Variants in ZSCAN9 observed in about 807,000 individuals in gnomAD.
The protein encoded by ZSCAN9 is zinc finger and SCAN domain containing 9.
In ZSCAN9, 19 loss-of-function variants were observed where a neutral mutation model predicts 23.0. That is an observed-to-expected ratio of 0.83 (90% confidence interval 0.58 to 1.21). ZSCAN9 has a LOEUF of 1.21. ZSCAN9 is among the 50% of genes most tolerant of loss of function. ZSCAN9 has a pLI of 0.00. For synonymous variants in ZSCAN9, 155 were observed against 164.8 expected, an observed-to-expected ratio of 0.94 and a Z score of 0.46; for missense variants, 467 against 471.5, an observed-to-expected ratio of 0.99 and a Z score of 0.09.
chr6:28,226,088 T>TG (rs1186938356), intron 1 of ZSCAN9, among the ~76,000 whole-genome samples: 1 of 152,128 alleles, frequency 6.6e-6, no homozygotes, highest in African/African-American at 2.4e-5. Context: ...AAGTTGACCT[T>TG]GGGCAATCTA....
rs537421926 is a variant in ZSCAN9, at chr6:28,230,368, C to G, written c.569-2194C>G. 13 of 1,536,050 alleles carry G rather than the reference C, an allele frequency of 8.5e-6. No homozygotes were observed. The South Asian group carries it at 1.5e-4, about 18-fold the overall frequency. On this transcript the variant is annotated intron_variant, in intron 3 of 3. Coordinates refer to ENST00000252207, the MANE Select transcript of ZSCAN9 (RefSeq NM_006299.5). ...ACGAAGTTTGAGGAGAAGGGCAGTA[C>G]TGATCCCACTTGGGGCCCATCTGTT...
At position 28,227,344 on chromosome 6, in the gene ZSCAN9, C is replaced by T. The variant is rs1475896510; in HGVS notation, c.260C>T (p.Thr87Ile). The T allele has an allele frequency of 1.2e-6, 2 of 1,614,104 alleles. No homozygotes were observed. Among genetic ancestry groups the T allele is most frequent in the African/African-American group, 1.3e-5 (1 of 74,940 alleles). ...CYQWLRPHVS[T>I]KEQILDLLVL... ...CAGTGGTTGAGGCCACATGTGAGCA[C>T]AAAGGAGCAGATTTTGGATCTGCTG... is the stretch of plus-strand genomic sequence containing the variant. The change falls in exon 2 of 4, where the codon ACA (threonine) becomes ATA (isoleucine). Residue 87 changes from threonine (T) to isoleucine (I), a missense_variant. Thr to Ile is a moderately conservative substitution (Grantham distance 89). Transcript: ENST00000252207.
At chr6:28,231,762 G>A (rs1760308563) in intron 3 of ZSCAN9, among the ~76,000 whole-genome samples, 1 of 151,976 alleles carries the variant, frequency 6.6e-6, no homozygotes, top group Admixed American at 6.6e-5. Context: ...TTTGCCTCTG[G>A]AATCTTCCAT....
chr6:28,225,490 CCGGG>C (rs2113644956), intron 1 of ZSCAN9, 124 bp downstream of exon 1: 1 of 152,784 alleles, frequency 6.5e-6, no homozygotes, highest in Non-Finnish European at 1.5e-5. Flanking sequence ...GCGGTCAGTG[CCGGG>C]CGGCTTCGGG....
Position 28,227,246 on chromosome 6 carries a change from C to CT in ZSCAN9, c.165dup (p.Arg56SerfsTer81), listed in dbSNP as rs1479724288. 1.9e-6 allele frequency: 3 copies of CT among 1,614,122 alleles called. No homozygotes were observed. Among genetic ancestry groups the CT allele is most frequent in the Non-Finnish European group, 2.5e-6 (3 of 1,180,048 alleles). On this transcript the variant is annotated frameshift_variant, in exon 2 of 4. Coordinates refer to ENST00000252207, the MANE Select transcript of ZSCAN9 (RefSeq NM_006299.5). LOFTEE classifies it high-confidence loss of function. Reference sequence around the variant, plus strand: ...TGGCAAGGGAAATCTTCCGAAGGCACTTTCGACAGCTGTGCTACCAAGAGA... The same window carrying CT: ...TGGCAAGGGAAATCTTCCGAAGGCACTTTTCGACAGCTGTGCTACCAAGAGA...
rs1455169236 is a variant in ZSCAN9, at chr6:28,227,221, T to C, written c.137T>C (p.Leu46Pro). 1.9e-6 allele frequency: 3 copies of C among 1,614,230 alleles called. No individual in the cohort carries two copies. In the South Asian group the frequency reaches 3.3e-5, roughly 18 times the overall value. ...TCCAGACTGAAACGCAGTAATCCAC[T>C]GGCAAGGGAAATCTTCCGAAGGCAC... ...QESRLKRSNP[L>P]AREIFRRHFR... The change falls in exon 2 of 4, where the codon CTG becomes CCG. Residue 46 changes from leucine to proline, a missense_variant. Coordinates refer to ENST00000252207, the MANE Select transcript of ZSCAN9 (RefSeq NM_006299.5).
intron 3 of ZSCAN9, among the ~76,000 whole-genome samples, chr6:28,229,691 T>C (rs16893827): frequency 0.074 from 11,242 of 152,230 alleles, 550 homozygotes; most frequent in African/African-American, 0.13. Flanking sequence ...TTTTAAGTTA[T>C]GCTGATTATT....
At chr6:28,226,629 T>A (rs1182133027) in intron 1 of ZSCAN9, among the ~76,000 whole-genome samples, 1 of 152,084 alleles carries the variant, frequency 6.6e-6, no homozygotes, top group Non-Finnish European at 1.5e-5. Context: ...AATATTAGGA[T>A]CAGAATAAAA....
intron 1 of ZSCAN9, among the ~76,000 whole-genome samples, chr6:28,226,670 G>A (rs763236255): frequency 1.6e-4 from 24 of 152,250 alleles, no homozygotes; most frequent in Middle Eastern, 3.4e-3. Flanking sequence ...GGTGGCTGAC[G>A]TAATCCCAGC....
At chr6:28,226,851 A>T (rs9461443) in intron 1 of ZSCAN9, 161 bp from the exon 2 acceptor site, 86,770 of 389,194 alleles carry the variant, frequency 0.22, 10,519 homozygotes, top group African/African-American at 0.31. Flanking sequence ...TTATGCTCTT[A>T]GCACATTATG....
chr6:28,230,481 C>A (rs1389767095), intron 3 of ZSCAN9: 1 of 1,535,640 alleles, frequency 6.5e-7, no homozygotes, highest in East Asian at 2.4e-5. Flanking sequence ...ACAGAGGAGT[C>A]CTAAGAGGTA....
Position 28,227,542 on chromosome 6 carries a change from T to C in ZSCAN9, c.420+38T>C, listed in dbSNP as rs11751492. The C allele has an allele frequency of 1.6e-4, 257 of 1,566,996 alleles. No individual in the cohort carries two copies. In the Middle Eastern group the frequency reaches 1.9e-3, roughly 12 times the overall value. ...ATTTGCTAGAGAAAAATGTGTATTT[T>C]GGCATGCCAAGAATCCTTGTCACTT... On this transcript the variant is annotated intron_variant, in intron 2 of 3. Transcript: ENST00000252207.
At chr6:28,230,196 C>A in intron 3 of ZSCAN9, 1 of 738,880 alleles carries the variant, frequency 1.4e-6, no homozygotes, top group Non-Finnish European at 2.1e-6. Context: ...GGGATAATAA[C>A]ATCGAGTTTT....
intron 3 of ZSCAN9, among the ~76,000 whole-genome samples, chr6:28,229,983 A>G (rs906534962): frequency 1.3e-5 from 2 of 151,096 alleles, no homozygotes; most frequent in African/African-American, 2.4e-5. Context: ...TGAGCCTCCC[A>G]AGTAGCTGGG....
intron 3 of ZSCAN9, chr6:28,228,053 T>C (rs1760179462): frequency 1.4e-6 from 1 of 707,322 alleles, no homozygotes; most frequent in African/African-American, 1.8e-5. Flanking sequence ...TCTGGACTTC[T>C]GATGCATGGT....
At chr6:28,231,178 A>G (rs1227814711) in intron 3 of ZSCAN9, among the ~76,000 whole-genome samples, 2 of 152,210 alleles carry the variant, frequency 1.3e-5, no homozygotes, top group African/African-American at 4.8e-5. Flanking sequence ...AACTAATAAT[A>G]AAATGGAACA....
Position 28,227,410 on chromosome 6 carries a change from A to G in ZSCAN9, c.326A>G (p.Gln109Arg). 6.2e-7 allele frequency: 1 copy of G among 1,614,196 alleles called. No homozygotes were observed. The highest frequency in any genetic ancestry group is 8.5e-7 in the Non-Finnish European group (1 of 1,180,022). ...QFLSILPKEL[Q>R]GWVREHCPES... ...CTATCCATTCTGCCCAAGGAGCTCC[A>G]GGGCTGGGTGAGGGAACACTGTCCA... Residue 109 changes from glutamine to arginine, a missense_variant, in exon 2 of 4, where the codon CAG becomes CGG. Physicochemically the swap from Gln to Arg is conservative, Grantham distance 43. Transcript: ENST00000252207.
At position 28,227,492 on chromosome 6, in the gene ZSCAN9, A is replaced by G; in HGVS notation, c.408A>G (p.Glu136=). 1 of 1,598,532 alleles carries G rather than the reference A, an allele frequency of 6.3e-7. No homozygotes were observed. Among genetic ancestry groups the G allele is most frequent in the African/African-American group, 1.3e-5 (1 of 74,240 alleles). The part of the protein sequence containing the change: ...LLEDLERELD[E]PQHEMVAHRH... ...AGGATCTGGAGAGAGAGCTCGATGA[A>G]CCACAACATGAGGTAGGAAGGGAGA... The change falls in exon 2 of 4, where the codon GAA becomes GAG. Residue 136 remains glutamate (E), a synonymous_variant. Coordinates refer to ENST00000252207, the MANE Select transcript of ZSCAN9 (RefSeq NM_006299.5).
intron 3 of ZSCAN9, chr6:28,228,145 C>G: frequency 1.5e-6 from 1 of 657,206 alleles, no homozygotes; most frequent in Non-Finnish European, 2.7e-6. Context: ...GGTTCAGATC[C>G]TGGCATCGCC....
Sources: allele counts gnomAD v4.1 joint callset (sites outside exome capture counted in the v4.1 genomes callset), GRCh38; gene constraint gnomAD v4.1.1; transcripts MANE v1.5; gene names NCBI Gene and HGNC (gene_info 2026-07-23, HGNC 2026-07-21).